The following METTL15 variants were observed in gnomAD, a reference collection of about 807,000 sequenced individuals.
The protein encoded by METTL15 is 12S rRNA N(4)-cytidine methyltransferase METTL15.
Under a neutral mutation model 38.3 loss-of-function variants are expected in METTL15, and 34 were observed. The observed-to-expected ratio is 0.89, with a 90% CI of 0.68 to 1.18. The LOEUF (loss-of-function observed/expected upper bound fraction) is 1.18, where lower values mean the gene tolerates loss of function less well. Among genes scored for constraint, METTL15 ranks in the 50% most tolerant of loss-of-function variants. METTL15 has a pLI of 0.00. For synonymous variants in METTL15, 162 were observed against 170.9 expected, an observed-to-expected ratio of 0.95 and a Z score of 0.41; for missense variants, 438 against 498.4, an observed-to-expected ratio of 0.88 and a Z score of 1.15.
intron 6 of METTL15, among the ~76,000 whole-genome samples, chr11:28,430,577 C>T (rs1387019001): frequency 2.2e-5 from 1 of 45,902 alleles, no homozygotes; most frequent in African/African-American, 8.3e-5. Context: ...CCTGGCCAGC[C>T]GCCCCGTCCG....
chr11:28,519,670 A>G (rs943094853), intron 6 of METTL15, among the ~76,000 whole-genome samples: 24 of 152,334 alleles, frequency 1.6e-4, no homozygotes, highest in African/African-American at 5.5e-4. Context: ...TCAAGTGCAC[A>G]GGGTTGGTAG....
At chr11:28,471,838 A>G (rs1851305920) in intron 6 of METTL15, among the ~76,000 whole-genome samples, 1 of 152,110 alleles carries the variant, frequency 6.6e-6, no homozygotes, top group African/African-American at 2.4e-5. Flanking sequence ...ATAGAAAAAG[A>G]ACTGGCTGGA....
chr11:28,174,833 TAAAAAAGCA>T (rs1850998816), intron 3 of METTL15, among the ~76,000 whole-genome samples: 1 of 140,546 alleles, frequency 7.1e-6, no homozygotes, highest in Admixed American at 7.1e-5. Flanking sequence ...AAAAAAAACA[TAAAAAAGCA>T]AAAAAAGCAA....
rs985017929 is a variant in METTL15, at chr11:28,468,142, G to T, written c.*424+43778G>T. On this transcript the variant is annotated intron_variant and NMD_transcript_variant, in intron 6 of 7. Transcript: ENST00000532947. ...CACACCCCAAGTGACTTGTTTTCCA[G>T]TCCTGCCCCGGACTCTAATTGGCTC... Among the ~76,000 whole-genome samples, 11 of 152,166 alleles carry T rather than the reference G, an allele frequency of 7.2e-5. No individual in the cohort carries two copies. The East Asian group carries it at 2.1e-3, about 29-fold the overall frequency.
chr11:28,352,235 C>T (rs1297106295), intron 4 of METTL15: 2 of 152,124 alleles, frequency 1.3e-5, no homozygotes, highest in African/African-American at 2.4e-5. Flanking sequence ...TGAAATCAGC[C>T]ACCAACATGG....
intron 5 of METTL15, among the ~76,000 whole-genome samples, chr11:28,407,053 T>C (rs1430489731): frequency 6.6e-6 from 1 of 152,174 alleles, no homozygotes; most frequent in Non-Finnish European, 1.5e-5. Context: ...TCGTGGTCGA[T>C]AAGCTTTTGA....
At chr11:28,137,412 G>C (rs934234955) in intron 3 of METTL15, among the ~76,000 whole-genome samples, 6 of 152,154 alleles carry the variant, frequency 3.9e-5, no homozygotes, top group Non-Finnish European at 8.8e-5. Context: ...GGGTGAATCT[G>C]TTGTCAATAA....
At chr11:28,186,595 A>G (rs1268613168) in intron 3 of METTL15, among the ~76,000 whole-genome samples, 1 of 151,192 alleles carries the variant, frequency 6.6e-6, no homozygotes, top group Non-Finnish European at 1.5e-5. Context: ...ATACAAAAAT[A>G]TATAGTACTG....
intron 4 of METTL15, 142 bp downstream of exon 4, chr11:28,211,340 T>A: frequency 6.1e-6 from 4 of 656,134 alleles, no homozygotes; most frequent in Non-Finnish European, 9.3e-6. Flanking sequence ...CAAAAAGAAT[T>A]AATGTAAGTG....
chr11:28,237,697 C>G (rs925664043), intron 4 of METTL15, among the ~76,000 whole-genome samples: 25 of 152,150 alleles, frequency 1.6e-4, no homozygotes, highest in Non-Finnish European at 3.7e-4. Flanking sequence ...AGAGTTTCCA[C>G]TTTTTCTGCT....
At chr11:28,397,149 C>A (rs1396938502) in intron 5 of METTL15, among the ~76,000 whole-genome samples, 1 of 152,022 alleles carries the variant, frequency 6.6e-6, no homozygotes, top group Non-Finnish European at 1.5e-5. Context: ...TAGAAGAAAA[C>A]CTAGGCAATA....
chr11:28,483,614 C>G (rs574048905), intron 6 of METTL15, among the ~76,000 whole-genome samples: 1 of 152,282 alleles, frequency 6.6e-6, no homozygotes, highest in South Asian at 2.1e-4. Context: ...GGCCATATAG[C>G]CTGTGTCTCA....
chr11:28,291,999 T>C (rs1459917876), intron 5 of METTL15, among the ~76,000 whole-genome samples: 5 of 152,074 alleles, frequency 3.3e-5, no homozygotes, highest in African/African-American at 1.2e-4. Flanking sequence ...AGGTAGATGG[T>C]ATAGACTATA....
chr11:28,335,033 A>G (rs369651459), downstream of METTL15, among the ~76,000 whole-genome samples: 3 of 152,176 alleles, frequency 2.0e-5, no homozygotes, highest in Non-Finnish European at 2.9e-5. Flanking sequence ...TATTAAATAT[A>G]TCATTGCTCA....
chr11:28,163,333 C>T (rs1850537533), intron 3 of METTL15: 3 of 397,918 alleles, frequency 7.5e-6, no homozygotes, highest in Non-Finnish European at 1.3e-5. Flanking sequence ...TCACAGAATT[C>T]TGTCAGGCTT....
At chr11:28,233,599 A>G (rs1228744173) in intron 4 of METTL15, among the ~76,000 whole-genome samples, 2 of 152,048 alleles carry the variant, frequency 1.3e-5, no homozygotes, top group Non-Finnish European at 2.9e-5. Flanking sequence ...AGTGAGGTAT[A>G]AGTGATAAAA....
At chr11:28,426,595 T>G (rs976658366) in intron 6 of METTL15, among the ~76,000 whole-genome samples, 2 of 150,914 alleles carry the variant, frequency 1.3e-5, no homozygotes, top group Non-Finnish European at 3.0e-5. Context: ...TTTTTTTTTT[T>G]TTTTTTTTTT....
rs529740486 is a variant in METTL15 at position 28,505,096 on chromosome 11, G to C, written c.*425-21382G>C. ...GAGCCAGGACTGGACCTGGTGGGAA[G>C]CTGGCTGGACATGGCTTTTCCTGGA... On this transcript the variant is annotated intron_variant and NMD_transcript_variant, in intron 6 of 7. Transcript: ENST00000532947. Among the ~76,000 whole-genome samples, 22 of 152,328 alleles carry C rather than the reference G, an allele frequency of 1.4e-4. No homozygotes were observed. The South Asian group carries it at 4.6e-3, about 32-fold the overall frequency.
At chr11:28,391,214 C>G (rs1850502867) in intron 5 of METTL15, among the ~76,000 whole-genome samples, 2 of 152,028 alleles carry the variant, frequency 1.3e-5, no homozygotes, top group African/African-American at 2.4e-5. Flanking sequence ...AATTGAATAC[C>G]CTTTATTTCC....
Sources: allele counts gnomAD v4.1 joint callset (sites outside exome capture counted in the v4.1 genomes callset), GRCh38; gene constraint gnomAD v4.1.1; transcripts MANE v1.5; gene names NCBI Gene and HGNC (gene_info 2026-07-23, HGNC 2026-07-21).